VEPH1: variants seen among roughly 807,000 people sequenced by gnomAD.
The protein encoded by VEPH1 is ventricular zone-expressed PH domain-containing protein homolog 1.
Under a neutral mutation model 85.2 loss-of-function variants are expected in VEPH1, and 80 were observed. The ratio of observed to expected loss-of-function variants is 0.94; its 90% CI spans 0.78 to 1.13. The LOEUF (loss-of-function observed/expected upper bound fraction) is 1.13. VEPH1 is among the 50% of genes most tolerant of loss of function. The probability of loss-of-function intolerance (pLI) is 0.00; values close to 1 mark genes in which losing one functional copy is unlikely to be tolerated. For synonymous variants in VEPH1, 297 were observed against 348.0 expected (o/e 0.85, Z 1.63); for missense variants, 955 against 980.5 (o/e 0.97, Z 0.35).
intron 2 of VEPH1, among the ~76,000 whole-genome samples, chr3:157,473,067 CTTTTTTTTTTTTT>C (rs200991031): frequency 8.5e-5 from 7 of 82,678 alleles, no homozygotes; most frequent in African/African-American, 4.0e-4. Context: ...TTAAATGAAC[CTTTTTTTTTTTTT>C]TTTTTTTTTT....
intron 11 of VEPH1, among the ~76,000 whole-genome samples, chr3:157,303,215 A>G (rs1295232756): frequency 6.6e-6 from 1 of 152,152 alleles, no homozygotes; most frequent in Non-Finnish European, 1.5e-5. Flanking sequence ...TTGCCAGGAA[A>G]ACTTGTCTGA....
intron 11 of VEPH1, among the ~76,000 whole-genome samples, chr3:157,296,511 T>G (rs1718164614): frequency 6.6e-6 from 1 of 152,236 alleles, no homozygotes. Context: ...GGTGAAAGTC[T>G]TTCTCCTTTC....
At chr3:157,317,756 C>T (rs1380474043) in intron 9 of VEPH1, among the ~76,000 whole-genome samples, 1 of 152,030 alleles carries the variant, frequency 6.6e-6, no homozygotes, top group Non-Finnish European at 1.5e-5. Flanking sequence ...CCTTTAGGGA[C>T]AAGGAAGTAG....
At chr3:157,480,506 T>C (rs1375843128) in intron 2 of VEPH1, among the ~76,000 whole-genome samples, 1 of 152,216 alleles carries the variant, frequency 6.6e-6, no homozygotes, top group South Asian at 2.1e-4. Flanking sequence ...CTTACGTCTA[T>C]TTGTACAAAT....
At position 157,311,473 on chromosome 3, in the gene VEPH1, T is replaced by A. The variant is rs530329924; in HGVS notation, c.2010+2148A>T. Among the ~76,000 whole-genome samples the A allele has an allele frequency of 3.3e-5, 5 of 152,314 alleles. No individual in the cohort carries two copies. In the South Asian group the frequency reaches 8.3e-4, roughly 25 times the overall value. On this transcript the variant is annotated intron_variant, in intron 11 of 13. Coordinates refer to ENST00000362010, the MANE Select transcript of VEPH1 (RefSeq NM_001167912.2). ...TAGTACAGAGAACATTTCAAAAAAATCGGAAAAAATCTACTTGAGAAATAC... is the reference window on the plus strand; with the variant it reads ...TAGTACAGAGAACATTTCAAAAAAAACGGAAAAAATCTACTTGAGAAATAC...
At chr3:157,278,226 G>T (rs1715644498) in intron 12 of VEPH1, among the ~76,000 whole-genome samples, 1 of 152,168 alleles carries the variant, frequency 6.6e-6, no homozygotes, top group South Asian at 2.1e-4. Flanking sequence ...GGTTACAAAA[G>T]GCTTCCAATA....
intron 13 of VEPH1, among the ~76,000 whole-genome samples, chr3:157,264,314 C>T (rs112513406): frequency 4.6e-5 from 7 of 152,154 alleles, no homozygotes; most frequent in African/African-American, 1.4e-4. Context: ...CATTGACTCC[C>T]TTAATTTTCT....
chr3:157,329,765 T>C (rs1722307287), intron 9 of VEPH1, among the ~76,000 whole-genome samples: 1 of 152,176 alleles, frequency 6.6e-6, no homozygotes, highest in Non-Finnish European at 1.5e-5. Flanking sequence ...AAACAGCTGG[T>C]TATATATTTT....
Position 157,334,436 on chromosome 3 carries a change from A to G in VEPH1, c.1736-17235T>C, listed in dbSNP as rs191238260. On this transcript the variant is annotated intron_variant, in intron 9 of 13. Coordinates refer to ENST00000362010, the MANE Select transcript of VEPH1 (RefSeq NM_001167912.2). ...TGGCTAATTGTACTCTTAGAGTACA[A>G]GTTCTGAAAAATGTTACAGATTACT... 1.8e-4 allele frequency among the ~76,000 whole-genome samples: 28 copies of G among 152,342 alleles called. No individual in the cohort carries two copies. The South Asian group carries it at 2.7e-3, about 15-fold the overall frequency.
chr3:157,414,226 T>G (rs1731732895), intron 5 of VEPH1, 136 bp from the exon 6 acceptor site: 1 of 616,632 alleles, frequency 1.6e-6, no homozygotes, highest in African/African-American at 1.8e-5. Flanking sequence ...ATTACCCTCC[T>G]TGGTACTCAG....
intron 7 of VEPH1, 22 bp downstream of exon 7, chr3:157,381,134 G>A: frequency 1.2e-6 from 2 of 1,611,328 alleles, no homozygotes; most frequent in South Asian, 2.2e-5. Context: ...GCTCCCTGAG[G>A]TACACAGAAG....
At chr3:157,269,642 GTTTTT>G in intron 12 of VEPH1, among the ~76,000 whole-genome samples, 2 of 115,418 alleles carry the variant, frequency 1.7e-5, no homozygotes, top group East Asian at 4.9e-4. Flanking sequence ...TGTTTTTGTT[GTTTTT>G]TTTTTTTTTT....
intron 9 of VEPH1, among the ~76,000 whole-genome samples, chr3:157,360,300 CAT>C (rs1465195158): frequency 2.0e-5 from 3 of 152,104 alleles, no homozygotes; most frequent in Non-Finnish European, 4.4e-5. Context: ...ATCCTTCACA[CAT>C]ATCTCTGTGC....
chr3:157,268,293 G>T (rs1258947461), intron 12 of VEPH1, among the ~76,000 whole-genome samples: 1 of 152,122 alleles, frequency 6.6e-6, no homozygotes. Flanking sequence ...TGCCGGGCTA[G>T]AGCCTCAGTA....
intron 9 of VEPH1, among the ~76,000 whole-genome samples, chr3:157,318,655 T>G (rs151250638): frequency 1.5e-5 from 1 of 67,468 alleles, no homozygotes; most frequent in East Asian, 6.3e-4. Context: ...AAAGAAAGAA[T>G]GAAAGAAAAG....
intron 11 of VEPH1, among the ~76,000 whole-genome samples, chr3:157,291,877 T>C (rs140914946): frequency 2.3e-3 from 347 of 152,362 alleles, no homozygotes; most frequent in Non-Finnish European, 4.0e-3. Flanking sequence ...TCAGTGTTCA[T>C]GTCTATTCAA....
intron 9 of VEPH1, among the ~76,000 whole-genome samples, chr3:157,320,836 A>C (rs1721270769): frequency 1.3e-5 from 2 of 152,248 alleles, no homozygotes; most frequent in East Asian, 3.9e-4. Flanking sequence ...CTTTGAGTCA[A>C]AATCTTTAAG....
intron 4 of VEPH1, among the ~76,000 whole-genome samples, chr3:157,446,851 T>C (rs761110069): frequency 1.3e-5 from 2 of 152,192 alleles, no homozygotes; most frequent in Non-Finnish European, 2.9e-5. Flanking sequence ...AAATCCAGTA[T>C]TCAAATCCTG....
At chr3:157,349,651 A>G (rs888064970) in intron 9 of VEPH1, among the ~76,000 whole-genome samples, 1 of 152,202 alleles carries the variant, frequency 6.6e-6, no homozygotes, top group African/African-American at 2.4e-5. Context: ...GCTACCAAAA[A>G]ACTCTAAGAA....
Sources: gnomAD v4.1 joint callset for allele counts (sites outside exome capture counted in the v4.1 genomes callset) on GRCh38, gnomAD v4.1.1 for gene constraint, MANE v1.5 for transcripts, NCBI Gene and HGNC (gene_info 2026-07-23, HGNC 2026-07-21) for gene names.